Variants in RGS7 observed in about 807,000 individuals in gnomAD.
The protein encoded by RGS7 is regulator of G-protein signaling 7.
RGS7 carries 27 observed loss-of-function variants against 81.1 expected under a neutral mutation model. The ratio of observed to expected loss-of-function variants is 0.33; its 90% CI spans 0.25 to 0.46. The LOEUF is 0.46. RGS7 is among the 20% of genes least tolerant of loss of function. RGS7 has a pLI of 1.00. For missense variants in RGS7, 396 were observed against 607.4 expected, an observed-to-expected ratio of 0.65 and a Z score of 3.66; for synonymous variants, 208 against 207.7, an observed-to-expected ratio of 1.00 and a Z score of -0.01.
At chr1:240,803,091 G>C (rs1324624022) in intron 15 of RGS7, 98 bp from the exon 16 acceptor site, 5 of 805,712 alleles carry the variant, frequency 6.2e-6, no homozygotes, top group Non-Finnish European at 1.1e-5. Context: ...TCTAGTAGCA[G>C]CGAAAAATAG....
chr1:240,932,913 T>C (rs1204767972), intron 5 of RGS7, among the ~76,000 whole-genome samples: 4 of 118,292 alleles, frequency 3.4e-5, no homozygotes, highest in African/African-American at 9.7e-5. Context: ...AGACAGAGTC[T>C]CGCTCTGTCG....
At chr1:241,044,600 A>ATTT (rs770183617) in intron 3 of RGS7, among the ~76,000 whole-genome samples, 3 of 149,954 alleles carry the variant, frequency 2.0e-5, no homozygotes, top group Non-Finnish European at 3.0e-5. Context: ...TTTAAAATTT[A>ATTT]TTTATTTTTT....
chr1:240,985,949 TTAAATAAA>T (rs71172667), intron 3 of RGS7, among the ~76,000 whole-genome samples: 2,362 of 144,600 alleles, frequency 0.016, 53 homozygotes, highest in African/African-American at 0.047. Flanking sequence ...CAGCTTTATA[TTAAATAAA>T]TAAATAAATA....
At chr1:241,030,493 TAC>T (rs10649050) in intron 3 of RGS7, among the ~76,000 whole-genome samples, 3,103 of 140,114 alleles carry the variant, frequency 0.022, 43 homozygotes, top group African/African-American at 0.031. Context: ...TATATAGATG[TAC>T]ACACACACAC....
At chr1:241,284,133 T>C (rs1327328728) in intron 2 of RGS7, among the ~76,000 whole-genome samples, 2 of 152,244 alleles carry the variant, frequency 1.3e-5, no homozygotes, top group African/African-American at 4.8e-5. Flanking sequence ...TACCTTGGTG[T>C]TGGCATCTAT....
At chr1:240,936,086 T>A (rs952971577) in intron 5 of RGS7, among the ~76,000 whole-genome samples, 1 of 152,218 alleles carries the variant, frequency 6.6e-6, no homozygotes, top group East Asian at 1.9e-4. Flanking sequence ...ATGACTCTTA[T>A]CAGTTTGCAA....
chr1:240,862,150 T>C (rs2147987618), intron 9 of RGS7, among the ~76,000 whole-genome samples: 1 of 151,614 alleles, frequency 6.6e-6, no homozygotes, highest in South Asian at 2.1e-4. Context: ...ATGACCTTAA[T>C]TTTTTTTTCT....
At chr1:240,936,218 G>A (rs1676612528) in intron 5 of RGS7, among the ~76,000 whole-genome samples, 1 of 152,170 alleles carries the variant, frequency 6.6e-6, no homozygotes, top group Non-Finnish European at 1.5e-5. Context: ...AATCCTATCT[G>A]GAGTTTCAAG....
At chr1:241,278,871 T>C (rs1426851141) in intron 2 of RGS7, among the ~76,000 whole-genome samples, 2 of 152,240 alleles carry the variant, frequency 1.3e-5, no homozygotes, top group Admixed American at 1.3e-4. Flanking sequence ...ACACACCTTC[T>C]AGTTCCACTG....
intron 4 of RGS7, among the ~76,000 whole-genome samples, chr1:240,956,071 C>T (rs1680360975): frequency 6.6e-6 from 1 of 152,130 alleles, no homozygotes; most frequent in African/African-American, 2.4e-5. Context: ...ACCAGTATTA[C>T]AAAATGAACC....
chr1:240,815,019 A>T (rs1452470275), intron 11 of RGS7, among the ~76,000 whole-genome samples: 2 of 152,188 alleles, frequency 1.3e-5, no homozygotes, highest in African/African-American at 4.8e-5. Context: ...TGCCTACTTT[A>T]ACAAAATGTG....
intron 6 of RGS7, among the ~76,000 whole-genome samples, chr1:240,913,798 T>A (rs1008085960): frequency 6.6e-6 from 1 of 152,058 alleles, no homozygotes; most frequent in Non-Finnish European, 1.5e-5. Context: ...GTTTTTTTTT[T>A]ATTTTGAACA....
At chr1:241,210,935 A>T (rs1364485663) in intron 2 of RGS7, among the ~76,000 whole-genome samples, 1 of 152,202 alleles carries the variant, frequency 6.6e-6, no homozygotes, top group Non-Finnish European at 1.5e-5. Context: ...TGTGGTAACC[A>T]AACTAAATGT....
At chr1:241,154,974 TAAAATC>T (rs2069010977) in intron 2 of RGS7, among the ~76,000 whole-genome samples, 1 of 151,936 alleles carries the variant, frequency 6.6e-6, no homozygotes, top group African/African-American at 2.4e-5. Context: ...AAAATCAAAA[TAAAATC>T]AAGAAAAGGG....
At chr1:240,889,308 G>T (rs1344797447) in intron 6 of RGS7, among the ~76,000 whole-genome samples, 1 of 152,138 alleles carries the variant, frequency 6.6e-6, no homozygotes, top group Non-Finnish European at 1.5e-5. Flanking sequence ...TCAACTCCAG[G>T]AATATCTAGA....
At chr1:240,975,221 G>C (rs1683886138) in intron 4 of RGS7, among the ~76,000 whole-genome samples, 1 of 152,096 alleles carries the variant, frequency 6.6e-6, no homozygotes, top group Non-Finnish European at 1.5e-5. Flanking sequence ...GGCCAACATG[G>C]TGAAACCCCA....
intron 6 of RGS7, among the ~76,000 whole-genome samples, chr1:240,895,421 A>C (rs960516225): frequency 6.7e-6 from 1 of 150,170 alleles, no homozygotes; most frequent in Non-Finnish European, 1.5e-5. Flanking sequence ...TATATCTCCT[A>C]ATGCTATCCC....
chr1:241,115,879 G>T (rs1479115569), intron 2 of RGS7, among the ~76,000 whole-genome samples: 1 of 152,138 alleles, frequency 6.6e-6, no homozygotes, highest in Non-Finnish European at 1.5e-5. Flanking sequence ...TGGAGGAGGG[G>T]CCTGGTGGGA....
At chr1:241,263,478 C>T (rs1316727728) in intron 2 of RGS7, among the ~76,000 whole-genome samples, 2 of 152,070 alleles carry the variant, frequency 1.3e-5, no homozygotes, top group African/African-American at 4.8e-5. Flanking sequence ...CAACAGGGCT[C>T]GTCTCTGGAG....
Sources: gnomAD v4.1 joint callset for allele counts (sites outside exome capture counted in the v4.1 genomes callset) on GRCh38, gnomAD v4.1.1 for gene constraint, MANE v1.5 for transcripts, NCBI Gene and HGNC (gene_info 2026-07-23, HGNC 2026-07-21) for gene names.